ACOT9: variants seen among roughly 807,000 people sequenced by gnomAD.
The protein encoded by ACOT9 is acyl-coenzyme A thioesterase 9, mitochondrial.
Under a neutral mutation model 39.7 loss-of-function variants are expected in ACOT9, and 34 were observed. The ratio of observed to expected loss-of-function variants is 0.86; its 90% CI spans 0.65 to 1.14. The LOEUF (loss-of-function observed/expected upper bound fraction) is 1.14. Ranked by LOEUF, ACOT9 falls within the 50% of genes most tolerant of loss-of-function variation. The pLI is 0.00. For missense variants in ACOT9, 313 were observed against 344.1 expected (o/e 0.91, Z 0.71); for synonymous variants, 110 against 120.5 (o/e 0.91, Z 0.57).
At chrX:23,739,462 G>A (rs1930059438) in intron 1 of ACOT9, among the ~76,000 whole-genome samples, 2 of 111,070 alleles carry the variant, frequency 1.8e-5, no homozygotes, top group South Asian at 3.7e-4. Flanking sequence ...AAAATCTCTA[G>A]CTATCATTAT....
At chrX:23,711,380 A>T (rs1012952495) in intron 9 of ACOT9, among the ~76,000 whole-genome samples, 1 of 112,505 alleles carries the variant, frequency 8.9e-6, no homozygotes, top group Non-Finnish European at 1.9e-5. Flanking sequence ...CTTTTCTAAA[A>T]AGCTAAAAAA....
chrX:23,733,888 A>G (rs1275694076), intron 3 of ACOT9, among the ~76,000 whole-genome samples: 1 of 112,292 alleles, frequency 8.9e-6, no homozygotes, highest in Non-Finnish European at 1.9e-5. Context: ...CAGCCTCCCG[A>G]GTAGCTGGGA....
chrX:23,702,162 T>C lies in ACOT9; in HGVS notation c.*1732A>G, dbSNP rs1328721497. On this transcript the variant is annotated 3_prime_UTR_variant, in exon 16 of 16. Transcript: ENST00000379303. ...ACTAATGTAGAACCCACAATAAATA[T>C]TGCTTCCTTCTTGGGAGGACTTTTT... is the stretch of plus-strand genomic sequence containing the variant. 9.0e-6 allele frequency: 1 copy of C among 111,139 alleles called. No individual in the cohort carries two copies. The highest frequency in any genetic ancestry group is 1.9e-5 in the Non-Finnish European group (1 of 53,027). The allele number at this position is 111,139 out of a possible 1,213,427, so 9.2% of individuals were successfully genotyped here.
intron 9 of ACOT9, among the ~76,000 whole-genome samples, chrX:23,711,339 GA>G (rs1215593150): frequency 4.9e-5 from 5 of 101,639 alleles, no homozygotes; most frequent in Non-Finnish European, 2.0e-5. Flanking sequence ...CACACACACA[GA>G]AAAAAAAAAA....
intron 6 of ACOT9, among the ~76,000 whole-genome samples, chrX:23,723,599 CAAA>C (rs34401071): frequency 0.35 from 18,950 of 53,774 alleles, 2,180 homozygotes; most frequent in South Asian, 0.37. Context: ...AAGACTGTCT[CAAA>C]AAAAAAAAAA....
Position 23,723,404 on chromosome X carries a change from G to A in ACOT9, c.401-651C>T, listed in dbSNP as rs755462174. Among the ~76,000 whole-genome samples, 5 of 109,722 alleles carry A rather than the reference G, an allele frequency of 4.6e-5. No individual in the cohort carries two copies. The East Asian group carries it at 1.1e-3, about 25-fold the overall frequency. ...GCCAAGGCAGGCGGATCACGAGGTCGAGAGATCGAGACCATCCTGGCTGAC... is the reference window on the plus strand; with the variant it reads ...GCCAAGGCAGGCGGATCACGAGGTCAAGAGATCGAGACCATCCTGGCTGAC... On this transcript the variant is annotated intron_variant, in intron 6 of 15. Coordinates refer to ENST00000379303, the MANE Select transcript of ACOT9 (RefSeq NM_001037171.2).
chrX:23,713,203 A>C lies in ACOT9; in HGVS notation c.594T>G (p.His198Gln). The change falls in exon 9 of 16, where the codon CAT (histidine) becomes CAG (glutamine). Residue 198 changes from histidine to glutamine, a missense_variant. Transcript: ENST00000379303. The stretch of plus-strand genomic sequence containing the variant: ...CCAAAACAGGACAAAATTCATCACC[A>C]TGTAACTGAAGAACAAAGGAAAGAA... ...MEVKMQMFQL[H>Q]GDEFCPVLDA... 8.4e-7 allele frequency: 1 copy of C among 1,195,767 alleles called. No homozygotes were observed. Among genetic ancestry groups the C allele is most frequent in the Non-Finnish European group, 1.1e-6 (1 of 882,573 alleles).
At chrX:23,719,165 G>C (rs991592393) in intron 8 of ACOT9, among the ~76,000 whole-genome samples, 4 of 110,460 alleles carry the variant, frequency 3.6e-5, no homozygotes, top group African/African-American at 1.3e-4. Context: ...AGCTACTTGG[G>C]AGGCTGAGGC....
At chrX:23,721,720 A>T (rs1317332453) in intron 8 of ACOT9, among the ~76,000 whole-genome samples, 161 bp downstream of exon 8, 3 of 112,404 alleles carry the variant, frequency 2.7e-5, no homozygotes, top group Non-Finnish European at 3.7e-5. Flanking sequence ...CACAAGGAGG[A>T]TATTAATAAC....
intron 13 of ACOT9, 146 bp downstream of exon 13, chrX:23,705,363 G>T: frequency 1.9e-6 from 1 of 526,977 alleles, no homozygotes; most frequent in Non-Finnish European, 3.2e-6. Context: ...CTAAAATGAA[G>T]ATCAAATTCA....
chrX:23,708,076 T>G, intron 9 of ACOT9, 132 bp from the exon 10 acceptor site: 1 of 504,497 alleles, frequency 2.0e-6, no homozygotes. Flanking sequence ...TTGCCTTACA[T>G]GTGAACGCTG....
rs1929338083 is a variant in ACOT9, at chrX:23,722,091, C to T, written c.485-107G>A. ...AAATTCCACTACATTTCTTTTTTGT[C>T]TTCAAAACTAAAATAACTTTTTTGA... On this transcript the variant is annotated intron_variant, in intron 7 of 15. Transcript: ENST00000379303. The T allele has an allele frequency of 2.0e-5, 9 of 453,758 alleles. No homozygotes were observed. The South Asian group carries it at 5.8e-4, about 29-fold the overall frequency. The allele number at this position is 453,758 out of a possible 1,213,427, so 37.4% of individuals were successfully genotyped here.
At chrX:23,735,318 C>T (rs1160730777) in intron 2 of ACOT9, among the ~76,000 whole-genome samples, 2 of 102,920 alleles carry the variant, frequency 1.9e-5, no homozygotes, top group African/African-American at 3.6e-5. Context: ...CTGATGCTCA[C>T]TGACATAAAA....
rs773008425 is a variant in ACOT9 at position 23,730,808 on chromosome X, T to C, written c.362+8A>G. 5 of 1,181,330 alleles carry C rather than the reference T, an allele frequency of 4.2e-6. No individual in the cohort carries two copies. Among genetic ancestry groups the C allele is most frequent in the Non-Finnish European group, 5.7e-6 (5 of 881,478 alleles). ...AAAAACAAATACATAAAAATAGCACTGTGTTACCTTACGGTGTTTTGAACA... is the reference window on the plus strand; with the variant it reads ...AAAAACAAATACATAAAAATAGCACCGTGTTACCTTACGGTGTTTTGAACA... On this transcript the variant is annotated splice_region_variant and intron_variant, in intron 5 of 15. Transcript: ENST00000379303.
At chrX:23,731,172 T>C (rs755735887) in intron 4 of ACOT9, among the ~76,000 whole-genome samples, 186 bp from the exon 5 acceptor site, 116 of 112,285 alleles carry the variant, frequency 1.0e-3, no homozygotes, top group African/African-American at 3.7e-3. Context: ...GTATCATTTC[T>C]CAAGCTTAAA....
intron 6 of ACOT9, among the ~76,000 whole-genome samples, chrX:23,723,680 G>T (rs1164770747): frequency 9.4e-6 from 1 of 106,444 alleles, no homozygotes; most frequent in Non-Finnish European, 1.9e-5. Flanking sequence ...ATTCAAATTT[G>T]TATCACAAAC....
chrX:23,736,053 G>A, intron 1 of ACOT9, 37 bp from the exon 2 acceptor site: 1 of 1,128,113 alleles, frequency 8.9e-7, no homozygotes, highest in South Asian at 1.9e-5. Flanking sequence ...AGATCCCACA[G>A]CTTCTTCCCT....
chrX:23,731,687 C>G (rs530539138), intron 4 of ACOT9, among the ~76,000 whole-genome samples: 20 of 109,516 alleles, frequency 1.8e-4, no homozygotes, highest in African/African-American at 6.6e-4. Flanking sequence ...CCATTTCTCA[C>G]CTGACAGTTC....
At chrX:23,736,212 C>T (rs1184896085) in intron 1 of ACOT9, among the ~76,000 whole-genome samples, 196 bp from the exon 2 acceptor site, 1 of 111,960 alleles carries the variant, frequency 8.9e-6, no homozygotes, top group Non-Finnish European at 1.9e-5. Context: ...CTAGAGTAAA[C>T]ATTTCTTGAG....
Sources: allele counts gnomAD v4.1 joint callset (sites outside exome capture counted in the v4.1 genomes callset), GRCh38; gene constraint gnomAD v4.1.1; transcripts MANE v1.5; gene names NCBI Gene and HGNC (gene_info 2026-07-23, HGNC 2026-07-21).